The following RPS6KL1 variants were observed in gnomAD, a reference collection of about 807,000 sequenced individuals.
The protein encoded by RPS6KL1 is ribosomal protein S6 kinase like 1, also known as ribosomal protein S6 kinase-like 1.
A neutral mutation model predicts 57.0 loss-of-function variants in RPS6KL1; 41 were observed. The observed-to-expected ratio is 0.72, with a 90% confidence interval of 0.56 to 0.93. The LOEUF is 0.93. RPS6KL1 is among the 40% of genes least tolerant of loss of function. The pLI, the probability that RPS6KL1 is intolerant of heterozygous loss-of-function variation, is 0.00. For missense variants in RPS6KL1, 697 were observed against 727.7 expected (o/e 0.96, Z 0.49); for synonymous variants, 287 against 309.7 (o/e 0.93, Z 0.77).
chr14:74,915,979 C>T (rs722685), intron 5 of RPS6KL1, among the ~76,000 whole-genome samples: 91,157 of 152,086 alleles, frequency 0.6, 27,621 homozygotes, highest in East Asian at 0.77. Context: ...GCCAGGCCCT[C>T]GGGTATTCTG....
intron 10 of RPS6KL1, among the ~76,000 whole-genome samples, chr14:74,907,994 G>C (rs571240761): frequency 3.0e-4 from 45 of 152,356 alleles, no homozygotes; most frequent in African/African-American, 1.0e-3. Context: ...TTGAGGAGCA[G>C]AGGGTCTGTC....
chr14:74,907,557 G>A (rs920038672), intron 10 of RPS6KL1, 27 bp from the exon 11 acceptor site: 2 of 1,549,986 alleles, frequency 1.3e-6, no homozygotes, highest in Non-Finnish European at 1.7e-6. Context: ...AAGGGCCTCT[G>A]AGGAGGCAAC....
chr14:74,910,213 C>T (rs892795462), intron 7 of RPS6KL1, 65 bp from the exon 8 acceptor site: 18 of 1,474,588 alleles, frequency 1.2e-5, no homozygotes, highest in Admixed American at 4.6e-5. Flanking sequence ...ATGCCAGGGC[C>T]GGCTCCCACT....
chr14:74,909,082 T>C lies in RPS6KL1; in HGVS notation c.1360+19A>G, dbSNP rs564549046. 28 of 1,612,106 alleles carry C rather than the reference T, an allele frequency of 1.7e-5. No homozygotes were observed. The South Asian group carries it at 2.3e-4, about 13-fold the overall frequency. ...GGCACCCAGGTGCTAAGGCCCACCCTGGCCTCCCCCCTTCTTGCCTGGGGC... is the reference window on the plus strand; with the variant it reads ...GGCACCCAGGTGCTAAGGCCCACCCCGGCCTCCCCCCTTCTTGCCTGGGGC... On this transcript the variant is annotated intron_variant, in intron 9 of 11. Coordinates refer to ENST00000557413, the MANE Select transcript of RPS6KL1 (RefSeq NM_031464.5).
chr14:74,915,411 A>G (rs1276180145), intron 5 of RPS6KL1, among the ~76,000 whole-genome samples: 1 of 152,248 alleles, frequency 6.6e-6, no homozygotes, highest in African/African-American at 2.4e-5. Context: ...TTTAAAAAAG[A>G]GCAATTGTTT....
intron 3 of RPS6KL1, among the ~76,000 whole-genome samples, chr14:74,920,819 C>T (rs1887708321): frequency 6.6e-6 from 1 of 152,180 alleles, no homozygotes; most frequent in Admixed American, 6.5e-5. Flanking sequence ...TGCAAACTCC[C>T]AGAGGGCAGG....
intron 8 of RPS6KL1, 87 bp from the exon 9 acceptor site, chr14:74,909,277 T>G: frequency 1.5e-6 from 2 of 1,331,056 alleles, no homozygotes; most frequent in Non-Finnish European, 2.1e-6. Flanking sequence ...CCAACAGTCA[T>G]GCGGTAGGAG....
chr14:74,921,749 T>C, intron 2 of RPS6KL1, 188 bp from the exon 3 acceptor site: 1 of 1,374,330 alleles, frequency 7.3e-7, no homozygotes, highest in Non-Finnish European at 9.5e-7. Flanking sequence ...GATAGAATCA[T>C]AACCAGCTCA....
intron 3 of RPS6KL1, among the ~76,000 whole-genome samples, chr14:74,920,562 G>T (rs1389870793): frequency 6.6e-6 from 1 of 152,176 alleles, no homozygotes; most frequent in Non-Finnish European, 1.5e-5. Flanking sequence ...ATGCTGCCCT[G>T]GAGGGACCTC....
chr14:74,906,960 G>T lies in RPS6KL1; in HGVS notation c.*54C>A. On this transcript the variant is annotated 3_prime_UTR_variant, in exon 12 of 12. Transcript: ENST00000557413. The stretch of plus-strand genomic sequence containing the variant: ...CAGCCCTGGGTTGGGTGTCAGGCAA[G>T]GAGGAGAGGCGATCCAGACCAGGCC... The T allele has an allele frequency of 7.3e-7, 1 of 1,368,418 alleles. No homozygotes were observed. The highest frequency in any genetic ancestry group is 1.2e-5 in the South Asian group (1 of 82,698). The allele number at this position is 1,368,418 out of a possible 1,614,324, so 84.8% of individuals were successfully genotyped here.
chr14:74,908,987 TCTC>T, intron 9 of RPS6KL1, 55 bp from the exon 10 acceptor site: 1 of 1,577,220 alleles, frequency 6.3e-7, no homozygotes, highest in South Asian at 1.1e-5. Flanking sequence ...CCTCTTCCAT[TCTC>T]CTCAGCCTAC....
In RPS6KL1 at chr14:74,921,552, C is replaced by A. The variant is rs1020853474; in HGVS notation, c.-11G>T. 2 of 1,612,170 alleles carry A rather than the reference C, an allele frequency of 1.2e-6. No individual in the cohort carries two copies. Among genetic ancestry groups the A allele is most frequent in the Non-Finnish European group, 8.5e-7 (1 of 1,179,342 alleles). Reference sequence around the variant, plus strand: ...GGCCACCAGGCTCATGGCTGCCCTGCAGCTGGGACCTGGAATGGGCAAATG... The same window carrying A: ...GGCCACCAGGCTCATGGCTGCCCTGAAGCTGGGACCTGGAATGGGCAAATG... On this transcript the variant is annotated 5_prime_UTR_variant, in exon 3 of 12. Transcript: ENST00000557413.
In RPS6KL1 at chr14:74,921,483, G is replaced by A. The variant is rs1313116930; in HGVS notation, c.59C>T (p.Ser20Leu). 5 of 1,614,110 alleles carry A rather than the reference G, an allele frequency of 3.1e-6. No individual in the cohort carries two copies. The highest frequency in any genetic ancestry group is 4.2e-6 in the Non-Finnish European group (5 of 1,180,006). Residue 20 changes from serine (S) to leucine (L), a missense_variant, in exon 3 of 12, where the codon TCA becomes TTA. Coordinates refer to ENST00000557413, the MANE Select transcript of RPS6KL1 (RefSeq NM_031464.5). ...CACGTGAGCTTGGGACCGTGCTCGT[G>A]AGCAAGGCTCAGGCTCCAGGCCGGG... ...PSPGLEPEPC[S>L]RARSQAHVYL... is the part of the protein sequence containing the mutation.
intron 3 of RPS6KL1, 39 bp downstream of exon 3, chr14:74,921,238 T>TCCCCCCCCCCCCCCCCCCCCCC: frequency 9.5e-6 from 8 of 840,088 alleles, no homozygotes; most frequent in East Asian, 2.6e-5. Flanking sequence ...CACTGGCCCT[T>TCCCCCCCCCCCCCCCCCCCCCC]CCCCACCCAC....
At chr14:74,910,349 C>T (rs1458800631) in intron 7 of RPS6KL1, 1 of 472,458 alleles carries the variant, frequency 2.1e-6, no homozygotes, top group Non-Finnish European at 3.6e-6. Context: ...CTTGACCCAA[C>T]TAAAGTGGGC....
At chr14:74,907,279 G>A in intron 11 of RPS6KL1, 155 bp from the exon 12 acceptor site, 1 of 1,391,058 alleles carries the variant, frequency 7.2e-7, no homozygotes, top group East Asian at 2.5e-5. Context: ...GGTGGTGGTT[G>A]GCCACCAACA....
At chr14:74,909,426 TGGCTGG>T in intron 8 of RPS6KL1, 111 bp downstream of exon 8, 1 of 1,366,152 alleles carries the variant, frequency 7.3e-7, no homozygotes, top group Middle Eastern at 2.7e-4. Context: ...CCTGAAAGGC[TGGCTGG>T]GGCCAGGGAG....
chr14:74,907,455 C>A lies in RPS6KL1; in HGVS notation c.1519G>T (p.Ala507Ser). Residue 507 changes from alanine (A) to serine (S), a missense_variant, in exon 11 of 12, where the codon GCG (alanine) becomes TCG (serine). By Grantham distance (99) the Ala-to-Ser change is moderately conservative (BLOSUM62 1). Coordinates refer to ENST00000557413, the MANE Select transcript of RPS6KL1 (RefSeq NM_031464.5). ...LQLPEWLSRP[A>S]ASLLTELLQF... ...CTCACCTCAGTCAGCAGAGAGGCCG[C>A]TGGGCGACTGAGCCACTCGGGCAGC... is the stretch of plus-strand genomic sequence containing the variant. The A allele has an allele frequency of 6.3e-7, 1 of 1,584,394 alleles. No individual in the cohort carries two copies. Among genetic ancestry groups the A allele is most frequent in the Non-Finnish European group, 8.6e-7 (1 of 1,165,588 alleles).
intron 7 of RPS6KL1, 70 bp downstream of exon 7, chr14:74,911,178 C>A: frequency 6.7e-7 from 1 of 1,502,378 alleles, no homozygotes; most frequent in Non-Finnish European, 9.2e-7. Flanking sequence ...TGCCAGGGCT[C>A]CGCATTTTAA....
Sources: allele counts gnomAD v4.1 joint callset (sites outside exome capture counted in the v4.1 genomes callset), GRCh38; gene constraint gnomAD v4.1.1; transcripts MANE v1.5; gene names NCBI Gene and HGNC (gene_info 2026-07-23, HGNC 2026-07-21).